Variants in GPATCH1 observed in about 807,000 individuals in gnomAD.
GPATCH1 encodes the protein G patch domain-containing protein 1.
A neutral mutation model predicts 114.9 loss-of-function variants in GPATCH1; 73 were observed. That is an observed-to-expected ratio of 0.64 (90% CI 0.53 to 0.77). The LOEUF is 0.77. Among genes scored for constraint, GPATCH1 ranks in the 30% least tolerant of loss-of-function variants. The pLI, the probability that GPATCH1 is intolerant of heterozygous loss-of-function variation, is 0.00. For synonymous variants in GPATCH1, 391 were observed against 428.4 expected, an observed-to-expected ratio of 0.91 and a Z score of 1.08; for missense variants, 1,058 against 1,144.3, an observed-to-expected ratio of 0.92 and a Z score of 1.09.
intron 1 of GPATCH1, among the ~76,000 whole-genome samples, chr19:33,083,119 A>C (rs1972497169): frequency 1.3e-5 from 2 of 149,748 alleles, no homozygotes; most frequent in Non-Finnish European, 3.0e-5. Flanking sequence ...GGGGGGGCTC[A>C]TGTAGTCCCA....
rs1484302730 is a variant in GPATCH1 at position 33,093,415 on chromosome 19, C to T, written c.351C>T (p.Ala117=). The change falls in exon 4 of 20, where the codon GCC becomes GCT. Residue 117 remains alanine (A), a synonymous_variant. Coordinates refer to ENST00000170564, the MANE Select transcript of GPATCH1 (RefSeq NM_018025.3). The stretch of plus-strand genomic sequence containing the variant: ...CGATTGTCACCACAGACGATTTTGC[C>T]TCCAAAACCAAAGACAGAATACGAG... The part of the protein sequence containing the change: ...PKAIVTTDDF[A]SKTKDRIREK... 6.2e-7 allele frequency: 1 copy of T among 1,613,408 alleles called. No individual in the cohort carries two copies. The highest frequency in any genetic ancestry group is 8.5e-7 in the Non-Finnish European group (1 of 1,179,564).
intron 5 of GPATCH1, among the ~76,000 whole-genome samples, chr19:33,095,132 A>T (rs1236819580): frequency 6.6e-6 from 1 of 152,068 alleles, no homozygotes; most frequent in East Asian, 1.9e-4. Context: ...ATGCCACTGT[A>T]CTTCAGCCTG....
intron 17 of GPATCH1, among the ~76,000 whole-genome samples, chr19:33,119,622 C>T (rs1157694782): frequency 3.3e-5 from 5 of 150,684 alleles, no homozygotes; most frequent in African/African-American, 4.9e-5. Flanking sequence ...CGCTTGAACC[C>T]GGGAGGTGGA....
chr19:33,095,853 T>TC lies in GPATCH1; in HGVS notation c.612+33_612+34insC, dbSNP rs774144027. Reference sequence around the variant, plus strand: ...ATGGTGTGACTGACCTTCACTTTGGTACAACAGCACCTGTTTCTGTATGAC... The same window carrying TC: ...ATGGTGTGACTGACCTTCACTTTGGTCACAACAGCACCTGTTTCTGTATGAC... On this transcript the variant is annotated intron_variant, in intron 6 of 19. Coordinates refer to ENST00000170564, the MANE Select transcript of GPATCH1 (RefSeq NM_018025.3). The TC allele has an allele frequency of 4.9e-6, 7 of 1,442,356 alleles. 1 individual carries two copies. In the South Asian group the frequency reaches 8.1e-5, roughly 17 times the overall value. 89.3% of individuals were successfully genotyped at this position (1,442,356 alleles called of 1,614,324 possible).
Position 33,085,133 on chromosome 19 carries a change from C to G in GPATCH1, c.74-3001C>G, listed in dbSNP as rs1004652366. 3.9e-5 allele frequency among the ~76,000 whole-genome samples: 6 copies of G among 152,268 alleles called. No homozygotes were observed. In the East Asian group the frequency reaches 1.2e-3, roughly 29 times the overall value. On this transcript the variant is annotated intron_variant, in intron 1 of 19. Coordinates refer to ENST00000170564, the MANE Select transcript of GPATCH1 (RefSeq NM_018025.3). Reference sequence around the variant, plus strand: ...TCTTCTCTGCTGGGCTCGGAGTGTCCTGAGAACGGGAGCAGAGTTTTGTTC... The same window carrying G: ...TCTTCTCTGCTGGGCTCGGAGTGTCGTGAGAACGGGAGCAGAGTTTTGTTC...
Position 33,095,772 on chromosome 19 carries a change from C to A in GPATCH1, c.564C>A (p.Val188=). The A allele has an allele frequency of 6.2e-7, 1 of 1,610,270 alleles. No individual in the cohort carries two copies. Among genetic ancestry groups the A allele is most frequent in the Non-Finnish European group, 8.5e-7 (1 of 1,176,620 alleles). Residue 188 remains valine (V), a synonymous_variant, in exon 6 of 20, where the codon GTC becomes GTA. Transcript: ENST00000170564. Reference sequence around the variant, plus strand: ...AAATCTCTTTTCTAGATCCTGGAGTCAAAATCTATGGCTGTGCATTACCCC... The same window carrying A: ...AAATCTCTTTTCTAGATCCTGGAGTAAAAATCTATGGCTGTGCATTACCCC... ...RPRRQKPDPG[V]KIYGCALPPG... is the part of the protein sequence containing the mutation.
chr19:33,125,204 TGAGAG>T lies in GPATCH1; in HGVS notation c.2619+3_2619+7del. On this transcript the variant is annotated splice_donor_5th_base_variant and intron_variant, in intron 18 of 19. Coordinates refer to ENST00000170564, the MANE Select transcript of GPATCH1 (RefSeq NM_018025.3). ...GAGCACAGGCGGAAGAAAGAGAAGGTGAGAGACTTGTGTGTACCCCAGGATCAGTG... is the reference window on the plus strand; with the variant it reads ...GAGCACAGGCGGAAGAAAGAGAAGGTACTTGTGTGTACCCCAGGATCAGTG... The T allele has an allele frequency of 6.3e-7, 1 of 1,587,588 alleles. No homozygotes were observed.
chr19:33,105,965 A>C (rs1482587401), intron 9 of GPATCH1, among the ~76,000 whole-genome samples: 6 of 151,256 alleles, frequency 4.0e-5, no homozygotes, highest in Non-Finnish European at 8.8e-5. Flanking sequence ...CTCCTGCCTC[A>C]GCACCCCCGA....
At position 33,106,775 on chromosome 19, in the gene GPATCH1, C is replaced by T; in HGVS notation, c.1161C>T (p.Asn387=). The change falls in exon 10 of 20, where the codon AAC becomes AAT. Residue 387 remains asparagine (N), a synonymous_variant. Transcript: ENST00000170564. ...CCATGGTGGCCGCCACCTCCGAGAA[C>T]TCACACTTACTGCAGGTATTATCAG... ...FRPMVAATSE[N]SHLLQVLSES... The T allele has an allele frequency of 6.2e-7, 1 of 1,613,880 alleles. No homozygotes were observed. The highest frequency in any genetic ancestry group is 8.5e-7 in the Non-Finnish European group (1 of 1,179,868).
At chr19:33,101,225 G>A (rs914706951) in intron 8 of GPATCH1, among the ~76,000 whole-genome samples, 6 of 152,248 alleles carry the variant, frequency 3.9e-5, no homozygotes, top group South Asian at 2.1e-4. Flanking sequence ...TAAAAATCAC[G>A]TCAATATGCT....
chr19:33,106,840 G>A lies in GPATCH1; in HGVS notation c.1226G>A (p.Ser409Asn). 1 of 1,614,032 alleles carries A rather than the reference G, an allele frequency of 6.2e-7. No individual in the cohort carries two copies. The highest frequency in any genetic ancestry group is 8.5e-7 in the Non-Finnish European group (1 of 1,179,998). ...GKATPDPGTH[S>N]KHQLNASKRA... Reference sequence around the variant, plus strand: ...GCAACGCCTGACCCAGGGACACACAGTAAGCACCAACTGAATGCCTCCAAA... The same window carrying A: ...GCAACGCCTGACCCAGGGACACACAATAAGCACCAACTGAATGCCTCCAAA... The change falls in exon 10 of 20, where the codon AGT becomes AAT. Residue 409 changes from serine (S) to asparagine (N), a missense_variant. This residue lies in a region of GPATCH1 where 893 missense variants were observed against 977.4 expected (regional missense o/e 0.91). Coordinates refer to ENST00000170564, the MANE Select transcript of GPATCH1 (RefSeq NM_018025.3).
chr19:33,097,936 C>A, intron 8 of GPATCH1, 34 bp downstream of exon 8: 1 of 1,605,116 alleles, frequency 6.2e-7, no homozygotes, highest in Non-Finnish European at 8.5e-7. Context: ...ATGGCAGGAC[C>A]AAGTGTCAGG....
chr19:33,088,117 T>C lies in GPATCH1; in HGVS notation c.74-17T>C, dbSNP rs1426499453. 7 of 1,351,138 alleles carry C rather than the reference T, an allele frequency of 5.2e-6. No individual in the cohort carries two copies. The highest frequency in any genetic ancestry group is 1.6e-5 in the South Asian group (1 of 60,768). The allele number at this position is 1,351,138 out of a possible 1,614,324, so 83.7% of individuals were successfully genotyped here. Reference sequence around the variant, plus strand: ...TCTCTTTTTCATTTAAAAAACTTTTTTTTTTTTTTTTTTTAGGTGAAAGAC... The same window carrying C: ...TCTCTTTTTCATTTAAAAAACTTTTCTTTTTTTTTTTTTTAGGTGAAAGAC... On this transcript the variant is annotated splice_polypyrimidine_tract_variant and intron_variant, in intron 1 of 19. Transcript: ENST00000170564.
chr19:33,097,792 A>T lies in GPATCH1; in HGVS notation c.890A>T (p.Asp297Val), dbSNP rs202041107. Residue 297 changes from aspartate to valine, a missense_variant, in exon 8 of 20, where the codon GAT becomes GTT. Around this residue, in one of 3 missense-constraint regions of GPATCH1, gnomAD observed 893 missense variants for 977.4 expected, o/e 0.91. Transcript: ENST00000170564. ...GGTGCCCTGGAAGAGGAAGATGATGATATCTATGCCACAGAAACTCTATCC... is the reference window on the plus strand; with the variant it reads ...GGTGCCCTGGAAGAGGAAGATGATGTTATCTATGCCACAGAAACTCTATCC... ...GVGALEEEDD[D>V]IYATETLSKY... The T allele has an allele frequency of 4.8e-5, 77 of 1,613,946 alleles. No individual in the cohort carries two copies. The East Asian group carries it at 1.7e-3, about 35-fold the overall frequency.
Position 33,112,570 on chromosome 19 carries a change from AAGCTT to A in GPATCH1, c.1850_1854del (p.Lys617ThrfsTer3). On this transcript the variant is annotated frameshift_variant, in exon 13 of 20. Coordinates refer to ENST00000170564, the MANE Select transcript of GPATCH1 (RefSeq NM_018025.3). LOFTEE classifies it high-confidence loss of function. ...AGACACGTTTGAGTGGCACCCTGACAAGCTTCTATGTAAGAGATTTAATGTCCCTG... is the reference window on the plus strand; with the variant it reads ...AGACACGTTTGAGTGGCACCCTGACACTATGTAAGAGATTTAATGTCCCTG... The A allele has an allele frequency of 6.2e-7, 1 of 1,614,038 alleles. No individual in the cohort carries two copies. Among genetic ancestry groups the A allele is most frequent in the Non-Finnish European group, 8.5e-7 (1 of 1,179,898 alleles).
intron 5 of GPATCH1, 42 bp downstream of exon 5, chr19:33,094,311 TAC>T (rs1439139033): frequency 6.0e-6 from 6 of 1,007,494 alleles, no homozygotes; most frequent in Admixed American, 2.1e-5. Flanking sequence ...TGCTGCAGCG[TAC>T]TTTTTTTTTT....
chr19:33,083,053 A>G (rs1972495622), intron 1 of GPATCH1, among the ~76,000 whole-genome samples: 1 of 150,892 alleles, frequency 6.6e-6, no homozygotes, highest in African/African-American at 2.4e-5. Context: ...CCTGGCTAAC[A>G]CGGTGAAACC....
At chr19:33,118,776 A>C (rs1412495841) in intron 16 of GPATCH1, among the ~76,000 whole-genome samples, 1 of 152,162 alleles carries the variant, frequency 6.6e-6, no homozygotes, top group East Asian at 1.9e-4. Flanking sequence ...GGCACGCTGT[A>C]CCTCAGCCAT....
chr19:33,105,984 G>C (rs1972780248), intron 9 of GPATCH1, among the ~76,000 whole-genome samples: 1 of 151,694 alleles, frequency 6.6e-6, no homozygotes. Flanking sequence ...GAGTAGCTGA[G>C]ATTACAGGTG....
Sources: gnomAD v4.1 joint callset for allele counts (sites outside exome capture counted in the v4.1 genomes callset) on GRCh38, gnomAD v4.1.1 for gene constraint, gnomAD v4.1.1 regional missense constraint, MANE v1.5 for transcripts, NCBI Gene and HGNC (gene_info 2026-07-23, HGNC 2026-07-21) for gene names.